The following FBXL7 variants were observed in gnomAD, a reference collection of about 807,000 sequenced individuals.
FBXL7 encodes the protein F-box/LRR-repeat protein 7.
In FBXL7, 12 loss-of-function variants were observed where a neutral mutation model predicts 38.3. The ratio of observed to expected loss-of-function variants is 0.31; its 90% CI spans 0.20 to 0.51. The LOEUF (loss-of-function observed/expected upper bound fraction) is 0.51, where lower values mean the gene tolerates loss of function less well. Among genes scored for constraint, FBXL7 ranks in the 20% least tolerant of loss-of-function variants. The pLI is 0.98. For missense variants in FBXL7, 567 were observed against 676.4 expected (o/e 0.84, Z 1.79); for synonymous variants, 297 against 300.9 (o/e 0.99, Z 0.13).
chr5:15,777,488 A>G (rs1736884816), intron 2 of FBXL7, among the ~76,000 whole-genome samples: 1 of 152,002 alleles, frequency 6.6e-6, no homozygotes, highest in African/African-American at 2.4e-5. Context: ...CAATGATGGA[A>G]ATCACATTTA....
rs1741914738 is a variant in FBXL7, at chr5:15,927,758, A to G, written c.128-132A>G. On this transcript the variant is annotated intron_variant, in intron 2 of 3. Coordinates refer to ENST00000504595, the MANE Select transcript of FBXL7 (RefSeq NM_012304.5). ...CCATTGCACTCCCGCCTGGGCGACA[A>G]GATCTTAAAAAAAAAAAAAAAAAAA... is the stretch of plus-strand genomic sequence containing the variant. 1.0e-5 allele frequency: 9 copies of G among 859,818 alleles called. No individual in the cohort carries two copies. In the South Asian group the frequency reaches 3.2e-4, roughly 30 times the overall value. 53.3% of individuals were successfully genotyped at this position (859,818 alleles called of 1,614,324 possible).
At chr5:15,714,607 C>T (rs543031449) in intron 2 of FBXL7, among the ~76,000 whole-genome samples, 1 of 152,260 alleles carries the variant, frequency 6.6e-6, no homozygotes, top group African/African-American at 2.4e-5. Flanking sequence ...ATAATCCCAG[C>T]CCTTTAGGAG....
intron 2 of FBXL7, among the ~76,000 whole-genome samples, chr5:15,874,549 G>A (rs1412805244): frequency 6.6e-6 from 1 of 152,178 alleles, no homozygotes; most frequent in African/African-American, 2.4e-5. Context: ...TCCTTAAGCT[G>A]ATAAGCAACT....
chr5:15,750,110 G>A (rs1736118179), intron 2 of FBXL7, among the ~76,000 whole-genome samples: 1 of 152,126 alleles, frequency 6.6e-6, no homozygotes, highest in Non-Finnish European at 1.5e-5. Context: ...AGCCTTCTTT[G>A]TGTCTATTTT....
At chr5:15,736,299 A>G (rs1331346252) in intron 2 of FBXL7, among the ~76,000 whole-genome samples, 1 of 152,232 alleles carries the variant, frequency 6.6e-6, no homozygotes, top group Non-Finnish European at 1.5e-5. Flanking sequence ...TTAAACAGCA[A>G]TCATAAATTT....
intron 2 of FBXL7, among the ~76,000 whole-genome samples, chr5:15,656,939 A>T (rs996276842): frequency 6.6e-6 from 1 of 152,154 alleles, no homozygotes; most frequent in African/African-American, 2.4e-5. Context: ...AGTTGGCTAA[A>T]TTGATACAAT....
intron 2 of FBXL7, among the ~76,000 whole-genome samples, chr5:15,766,904 T>C (rs1736605784): frequency 6.6e-6 from 1 of 152,188 alleles, no homozygotes; most frequent in Non-Finnish European, 1.5e-5. Flanking sequence ...AAGAATACAG[T>C]TTTTTACTCT....
At chr5:15,839,413 G>A (rs746489775) in intron 2 of FBXL7, among the ~76,000 whole-genome samples, 3 of 151,854 alleles carry the variant, frequency 2.0e-5, no homozygotes, top group East Asian at 1.9e-4. Context: ...TTCATTGTAC[G>A]ATAAAATATA....
chr5:15,939,490 A>AT lies in FBXL7; in HGVS notation c.*2305dup, dbSNP rs1742287019. Reference sequence around the variant, plus strand: ...ACTGTTCACACTGATTGCCCAGCACATACCGTCTTGCCAGTTTCTTCTTTT... The same window carrying AT: ...ACTGTTCACACTGATTGCCCAGCACATTACCGTCTTGCCAGTTTCTTCTTTT... On this transcript the variant is annotated 3_prime_UTR_variant, in exon 4 of 4. Coordinates refer to ENST00000504595, the MANE Select transcript of FBXL7 (RefSeq NM_012304.5). The AT allele has an allele frequency of 6.5e-6, 1 of 154,672 alleles. No individual in the cohort carries two copies. The highest frequency in any genetic ancestry group is 1.4e-5 in the Non-Finnish European group (1 of 69,776). 9.6% of individuals were successfully genotyped at this position (154,672 alleles called of 1,614,324 possible).
chr5:15,763,208 A>C (rs1736495030), intron 2 of FBXL7, among the ~76,000 whole-genome samples: 1 of 152,180 alleles, frequency 6.6e-6, no homozygotes, highest in African/African-American at 2.4e-5. Context: ...CCACCTGTGG[A>C]TACTACTCAA....
At chr5:15,846,908 A>C (rs1445896479) in intron 2 of FBXL7, among the ~76,000 whole-genome samples, 1 of 152,138 alleles carries the variant, frequency 6.6e-6, no homozygotes, top group Non-Finnish European at 1.5e-5. Flanking sequence ...TCTTTTTTTC[A>C]AAGATATAGA....
rs147814371 is a variant in FBXL7 at position 15,537,262 on chromosome 5, A to T, written c.37+36549A>T. Among the ~76,000 whole-genome samples, 24 of 152,338 alleles carry T rather than the reference A, an allele frequency of 1.6e-4. No individual in the cohort carries two copies. The East Asian group carries it at 4.4e-3, about 28-fold the overall frequency. On this transcript the variant is annotated intron_variant, in intron 1 of 3. Transcript: ENST00000504595. ...TTTGTGTTTTCCTAATGGCATAGGAAGTGAAATATCTTTTCATATGCTTAT... is the reference window on the plus strand; with the variant it reads ...TTTGTGTTTTCCTAATGGCATAGGATGTGAAATATCTTTTCATATGCTTAT...
Position 15,649,961 on chromosome 5 carries a change from G to A in FBXL7, c.127+33889G>A, listed in dbSNP as rs115176036. 2.1e-3 allele frequency among the ~76,000 whole-genome samples: 321 copies of A among 152,226 alleles called. 1 individual carries two copies. The highest frequency in any genetic ancestry group is 6.5e-3 in the African/African-American group (272 of 41,528). On this transcript the variant is annotated intron_variant, in intron 2 of 3. Coordinates refer to ENST00000504595, the MANE Select transcript of FBXL7 (RefSeq NM_012304.5). Reference sequence around the variant, plus strand: ...GTAATGTTTCTGTGAAGCAGTGCTCGTATTGATAGATAAGTGTTTTTGTTT... The same window carrying A: ...GTAATGTTTCTGTGAAGCAGTGCTCATATTGATAGATAAGTGTTTTTGTTT...
intron 2 of FBXL7, among the ~76,000 whole-genome samples, chr5:15,826,137 A>G (rs1205062604): frequency 6.6e-6 from 1 of 152,222 alleles, no homozygotes; most frequent in Non-Finnish European, 1.5e-5. Context: ...ATTGAAGCCA[A>G]CGTTTTTGTG....
At chr5:15,683,494 A>T (rs1195435823) in intron 2 of FBXL7, among the ~76,000 whole-genome samples, 1 of 152,158 alleles carries the variant, frequency 6.6e-6, no homozygotes, top group African/African-American at 2.4e-5. Context: ...CCTAGGTCCC[A>T]TGAGTAAGTT....
At chr5:15,816,539 T>C (rs1738019491) in intron 2 of FBXL7, among the ~76,000 whole-genome samples, 1 of 152,152 alleles carries the variant, frequency 6.6e-6, no homozygotes, top group Non-Finnish European at 1.5e-5. Flanking sequence ...TGGGTACACG[T>C]ACATGTAATG....
chr5:15,687,028 C>T (rs1743035419), intron 2 of FBXL7, among the ~76,000 whole-genome samples: 1 of 152,238 alleles, frequency 6.6e-6, no homozygotes, highest in Non-Finnish European at 1.5e-5. Context: ...ATATCCTGAA[C>T]TCAAGGGCTG....
At chr5:15,663,016 G>T (rs775551610) in intron 2 of FBXL7, among the ~76,000 whole-genome samples, 2 of 152,064 alleles carry the variant, frequency 1.3e-5, no homozygotes, top group African/African-American at 4.8e-5. Context: ...TTTTAAAATC[G>T]TTTTTTCTAG....
At chr5:15,615,455 C>T (rs935926807) in intron 1 of FBXL7, among the ~76,000 whole-genome samples, 16 of 152,172 alleles carry the variant, frequency 1.1e-4, no homozygotes, top group Admixed American at 6.5e-5. Flanking sequence ...CAGTTGAGAA[C>T]TGCTGCATTC....
Sources: allele counts gnomAD v4.1 joint callset (sites outside exome capture counted in the v4.1 genomes callset), GRCh38; gene constraint gnomAD v4.1.1; transcripts MANE v1.5; gene names NCBI Gene and HGNC (gene_info 2026-07-23, HGNC 2026-07-21).